SAE1: variants seen among roughly 807,000 people sequenced by gnomAD.
SAE1 encodes the protein SUMO-activating enzyme subunit 1.
Under a neutral mutation model 40.6 loss-of-function variants are expected in SAE1, and 11 were observed. The observed-to-expected ratio is 0.27, with a 90% CI of 0.17 to 0.45. SAE1 has a LOEUF of 0.45. SAE1 is among the 20% of genes least tolerant of loss of function. The probability of loss-of-function intolerance (pLI) is 1.00; values close to 1 mark genes in which losing one functional copy is unlikely to be tolerated. For synonymous variants in SAE1, 155 were observed against 154.3 expected, an observed-to-expected ratio of 1.00 and a Z score of -0.03; for missense variants, 373 against 427.3, an observed-to-expected ratio of 0.87 and a Z score of 1.12.
intron 1 of SAE1, among the ~76,000 whole-genome samples, chr19:47,132,864 T>TG (rs910579858): frequency 4.8e-5 from 7 of 146,440 alleles, no homozygotes; most frequent in African/African-American, 1.8e-4. Flanking sequence ...CACCCCAGCC[T>TG]GGGTGACAGA....
rs76712664 is a variant in SAE1, at chr19:47,172,905, C to T, written c.733+2982C>T. 4.3e-3 allele frequency among the ~76,000 whole-genome samples: 647 copies of T among 152,226 alleles called. 6 individuals are homozygous for T. Among genetic ancestry groups the T allele is most frequent in the African/African-American group, 0.015 (613 of 41,538 alleles). On this transcript the variant is annotated intron_variant, in intron 6 of 8. Transcript: ENST00000270225. ...GCCCTCAGGCAAGTGCTATTAACAC[C>T]ACCAGCTACAGAGGGGAATCTGAGG...
In SAE1 at chr19:47,139,581, T is replaced by C. The variant is rs1205443514; in HGVS notation, c.99-3913T>C. 2.7e-5 allele frequency among the ~76,000 whole-genome samples: 4 copies of C among 146,620 alleles called. No individual in the cohort carries two copies. The East Asian group carries it at 8.1e-4, about 30-fold the overall frequency. ...TAGATGGACAATGCTGCTGTGAATG[T>C]GTATCTTTTTTTTTTTTTTTTTTTG... is the stretch of plus-strand genomic sequence containing the variant. On this transcript the variant is annotated intron_variant, in intron 1 of 8. Coordinates refer to ENST00000270225, the MANE Select transcript of SAE1 (RefSeq NM_005500.3).
chr19:47,157,542 GA>G lies in SAE1; in HGVS notation c.627+2331del, dbSNP rs367910261. 3.4e-4 allele frequency among the ~76,000 whole-genome samples: 52 copies of G among 152,320 alleles called. No homozygotes were observed. In the East Asian group the frequency reaches 3.5e-3, roughly 10 times the overall value. On this transcript the variant is annotated intron_variant, in intron 5 of 8. Transcript: ENST00000270225. ...TAGCTTTGTTAGCCATTCACAGCTG[GA>G]AGTTTCCCTGGAGTCAGTTCTGATG...
chr19:47,194,292 G>T (rs922705181), intron 6 of SAE1, among the ~76,000 whole-genome samples: 16 of 152,076 alleles, frequency 1.1e-4, no homozygotes, highest in African/African-American at 3.9e-4. Context: ...AAAACTATTT[G>T]GTCTTTAAAA....
At position 47,209,435 on chromosome 19, in the gene SAE1, C is replaced by A; in HGVS notation, c.*184C>A. On this transcript the variant is annotated 3_prime_UTR_variant, in exon 9 of 9. Transcript: ENST00000270225. ...CTTCCCATCACCAGCAGCTGCTCGA[C>A]AAGGGGCGCAGGGTGGCTGTCTTTG... is the stretch of plus-strand genomic sequence containing the variant. The A allele has an allele frequency of 9.7e-7, 1 of 1,026,280 alleles. No homozygotes were observed. Among genetic ancestry groups the A allele is most frequent in the Non-Finnish European group, 1.4e-6 (1 of 701,064 alleles). 63.6% of individuals were successfully genotyped at this position (1,026,280 alleles called of 1,614,324 possible).
At chr19:47,164,639 CTTTTTTTTT>C (rs1166301382) in intron 5 of SAE1, among the ~76,000 whole-genome samples, 1 of 78,390 alleles carries the variant, frequency 1.3e-5, no homozygotes, top group Non-Finnish European at 2.4e-5. Context: ...GAGAATTCAC[CTTTTTTTTT>C]TTTTTTTTTT....
Position 47,167,396 on chromosome 19 carries a change from C to T in SAE1, c.628-2422C>T, listed in dbSNP as rs149660622. Among the ~76,000 whole-genome samples the T allele has an allele frequency of 2.1e-3, 315 of 151,952 alleles. 2 individuals carry two copies. The highest frequency in any genetic ancestry group is 7.4e-3 in the African/African-American group (307 of 41,408). ...CTGGGACTGCAGGTGCCTGCCACCA[C>T]GCCTGGCTAATTTTTTTGTATTTTT... On this transcript the variant is annotated intron_variant, in intron 5 of 8. Coordinates refer to ENST00000270225, the MANE Select transcript of SAE1 (RefSeq NM_005500.3).
intron 6 of SAE1, among the ~76,000 whole-genome samples, chr19:47,182,520 C>T (rs1035393977): frequency 6.6e-6 from 1 of 151,676 alleles, no homozygotes; most frequent in African/African-American, 2.4e-5. Context: ...CGCGCGCGCA[C>T]ACCACTGCCT....
chr19:47,190,849 AAC>A (rs1237916951), intron 6 of SAE1, among the ~76,000 whole-genome samples: 1 of 152,198 alleles, frequency 6.6e-6, no homozygotes, highest in African/African-American at 2.4e-5. Context: ...GCTTGAAATT[AAC>A]AGAGGCGAGG....
At chr19:47,152,752 C>A in intron 3 of SAE1, 146 bp from the exon 4 acceptor site, 2 of 658,074 alleles carry the variant, frequency 3.0e-6, no homozygotes, top group Non-Finnish European at 4.9e-6. Flanking sequence ...GTCTTCTAGC[C>A]ATAGGGCCCA....
At chr19:47,191,887 A>G (rs950040426) in intron 6 of SAE1, among the ~76,000 whole-genome samples, 1 of 151,814 alleles carries the variant, frequency 6.6e-6, no homozygotes, top group Admixed American at 6.6e-5. Context: ...AACCCCGTCT[A>G]TACTAAAAAT....
intron 6 of SAE1, among the ~76,000 whole-genome samples, chr19:47,190,843 G>A (rs997137942): frequency 1.3e-5 from 2 of 152,186 alleles, no homozygotes; most frequent in African/African-American, 2.4e-5. Context: ...CTTACAGCTT[G>A]AAATTAACAG....
At chr19:47,133,024 GA>G (rs1236315215) in intron 1 of SAE1, among the ~76,000 whole-genome samples, 3 of 152,198 alleles carry the variant, frequency 2.0e-5, no homozygotes, top group African/African-American at 7.2e-5. Flanking sequence ...ACTTATATGG[GA>G]AAGAGCCCTG....
At chr19:47,182,496 T>TGTGTGTGTGTGTGTGTGTGTGCGCGCGC (rs143321323) in intron 6 of SAE1, among the ~76,000 whole-genome samples, 4 of 146,044 alleles carry the variant, frequency 2.7e-5, no homozygotes, top group African/African-American at 1.0e-4. Context: ...TGTGTGTGTG[T>TGTGTGTGTGTGTGTGTGTGTGCGCGCGC]GCGCGCACGC....
intron 1 of SAE1, among the ~76,000 whole-genome samples, chr19:47,139,990 T>C (rs905948102): frequency 1.8e-4 from 27 of 147,786 alleles, no homozygotes; most frequent in Admixed American, 1.8e-3. Flanking sequence ...CAGGCTGAAG[T>C]GCAATGGTGC....
At chr19:47,182,627 C>CTT (rs2058517150) in intron 6 of SAE1, among the ~76,000 whole-genome samples, 2 of 152,040 alleles carry the variant, frequency 1.3e-5, no homozygotes, top group Non-Finnish European at 2.9e-5. Flanking sequence ...AGGTGACCCA[C>CTT]AAATGCGGCT....
intron 2 of SAE1, among the ~76,000 whole-genome samples, chr19:47,149,763 G>C (rs1295403147): frequency 6.6e-6 from 1 of 152,088 alleles, no homozygotes; most frequent in East Asian, 1.9e-4. Flanking sequence ...CCTGCATAAG[G>C]CAAATTGCTA....
At chr19:47,182,172 A>G (rs2058510682) in intron 6 of SAE1, among the ~76,000 whole-genome samples, 1 of 152,076 alleles carries the variant, frequency 6.6e-6, no homozygotes, top group African/African-American at 2.4e-5. Context: ...TGATTTTTAA[A>G]TGACGTTGTC....
At chr19:47,195,320 G>T (rs1451786203) in intron 6 of SAE1, among the ~76,000 whole-genome samples, 1 of 152,126 alleles carries the variant, frequency 6.6e-6, no homozygotes, top group Non-Finnish European at 1.5e-5. Context: ...CTCCCAAAAT[G>T]CTTGGATTAC....
Sources: allele counts gnomAD v4.1 joint callset (sites outside exome capture counted in the v4.1 genomes callset), GRCh38; gene constraint gnomAD v4.1.1; transcripts MANE v1.5; gene names NCBI Gene and HGNC (gene_info 2026-07-23, HGNC 2026-07-21).